UBE3D: variants seen among roughly 807,000 people sequenced by gnomAD.
UBE3D encodes E3 ubiquitin-protein ligase E3D.
UBE3D carries 48 observed loss-of-function variants against 49.6 expected under a neutral mutation model. The ratio of observed to expected loss-of-function variants is 0.97; its 90% confidence interval spans 0.77 to 1.23. The LOEUF (loss-of-function observed/expected upper bound fraction) is 1.23. UBE3D is among the 50% of genes most tolerant of loss of function. The pLI, the probability that UBE3D is intolerant of heterozygous loss-of-function variation, is 0.00. For missense variants in UBE3D, 452 were observed against 468.4 expected, an observed-to-expected ratio of 0.96 and a Z score of 0.32; for synonymous variants, 189 against 174.2, an observed-to-expected ratio of 1.08 and a Z score of -0.67.
At chr6:82,962,594 T>C (rs1446725764) in intron 8 of UBE3D, among the ~76,000 whole-genome samples, 1 of 152,246 alleles carries the variant, frequency 6.6e-6, no homozygotes, top group Non-Finnish European at 1.5e-5. Flanking sequence ...TTGCATGGTA[T>C]GTAAATCCAA....
chr6:82,891,157 A>C (rs948609034), downstream of UBE3D, among the ~76,000 whole-genome samples: 24 of 152,330 alleles, frequency 1.6e-4, no homozygotes, highest in African/African-American at 5.8e-4. Context: ...ACAGTCACCA[A>C]ATCTTGTTTC....
chr6:83,003,178 C>T (rs570368405), intron 8 of UBE3D, among the ~76,000 whole-genome samples: 10 of 152,192 alleles, frequency 6.6e-5, no homozygotes, highest in South Asian at 6.2e-4. Context: ...ATCTCACATA[C>T]GATTAGAAAA....
At chr6:82,887,389 GTT>G (rs752438556), downstream of UBE3D, among the ~76,000 whole-genome samples, 65 of 98,324 alleles carry the variant, frequency 6.6e-4, no homozygotes, top group Non-Finnish European at 1.1e-3. Context: ...GACAGTAACA[GTT>G]TTTTTTTTTT....
chr6:82,950,223 CAAAAG>C (rs1204494503), intron 9 of UBE3D, among the ~76,000 whole-genome samples: 5 of 152,060 alleles, frequency 3.3e-5, no homozygotes, highest in African/African-American at 1.2e-4. Flanking sequence ...AGATATTTCT[CAAAAG>C]AATATACACA....
At chr6:82,957,480 A>C in intron 8 of UBE3D, 30 bp from the exon 9 acceptor site, 1 of 1,583,806 alleles carries the variant, frequency 6.3e-7, no homozygotes, top group South Asian at 1.2e-5. Context: ...TAACTTTCAA[A>C]AATGCATTAT....
chr6:82,995,152 C>T (rs1779150046), intron 8 of UBE3D, among the ~76,000 whole-genome samples: 3 of 152,106 alleles, frequency 2.0e-5, no homozygotes, highest in Non-Finnish European at 4.4e-5. Flanking sequence ...AGGCCAGAGG[C>T]AAACCAGGAG....
At chr6:83,055,187 C>T (rs948654998) in intron 2 of UBE3D, among the ~76,000 whole-genome samples, 1 of 152,044 alleles carries the variant, frequency 6.6e-6, no homozygotes, top group African/African-American at 2.4e-5. Context: ...CAGCATAAGG[C>T]CGCATGTTCC....
intron 3 of UBE3D, chr6:83,049,668 C>G (rs1003768106): frequency 7.5e-6 from 3 of 401,592 alleles, no homozygotes; most frequent in Middle Eastern, 3.6e-4. Flanking sequence ...AGGGTCTCAA[C>G]GCCCTCATGA....
rs1370602836 is a variant in UBE3D, at chr6:82,969,238, T to TG, written c.1011-11789dup. Among the ~76,000 whole-genome samples, 17 of 11,550 alleles carry TG rather than the reference T, an allele frequency of 1.5e-3. No individual in the cohort carries two copies. The East Asian group carries it at 0.029, about 20-fold the overall frequency. 7.6% of individuals were successfully genotyped at this position (11,550 alleles called of 152,430 possible). A position where few individuals can be genotyped will look rare whatever the true frequency, so the allele number is the denominator to read the frequency against. The stretch of plus-strand genomic sequence containing the variant: ...CACAGGGCAGGGGTGGGGGTGGGGG[T>TG]GGGGTGGGGTGGAAGTGAAGCCTAA... On this transcript the variant is annotated intron_variant, in intron 8 of 9. Transcript: ENST00000369747.
intron 4 of UBE3D, among the ~76,000 whole-genome samples, chr6:83,039,232 T>A (rs1782476665): frequency 6.6e-6 from 1 of 152,208 alleles, no homozygotes; most frequent in Non-Finnish European, 1.5e-5. Context: ...CCATATACAG[T>A]GGGCAGGGAA....
chr6:82,908,005 C>CA (rs1772226317), intron 9 of UBE3D, among the ~76,000 whole-genome samples: 1 of 151,728 alleles, frequency 6.6e-6, no homozygotes, highest in South Asian at 2.1e-4. Flanking sequence ...TTCTCTGCAA[C>CA]AAAAAAGAAT....
At chr6:83,059,150 G>C (rs1406434904) in intron 1 of UBE3D, among the ~76,000 whole-genome samples, 7 of 152,146 alleles carry the variant, frequency 4.6e-5, no homozygotes, top group African/African-American at 1.7e-4. Context: ...GGGAGGCTGA[G>C]GTGGGAGGAT....
At chr6:82,931,891 C>G (rs1046303163) in intron 9 of UBE3D, among the ~76,000 whole-genome samples, 74 of 152,204 alleles carry the variant, frequency 4.9e-4, no homozygotes, top group African/African-American at 1.6e-3. Context: ...TCACTGAAAT[C>G]TCATCTTGAA....
At chr6:82,966,591 A>G (rs986610928) in intron 8 of UBE3D, among the ~76,000 whole-genome samples, 5 of 66,550 alleles carry the variant, frequency 7.5e-5, no homozygotes, top group South Asian at 9.2e-4. Context: ...CGGAGCTTGC[A>G]GTGAGCCGAG....
intron 9 of UBE3D, among the ~76,000 whole-genome samples, chr6:82,923,931 G>C (rs1481041980): frequency 6.6e-6 from 1 of 152,062 alleles, no homozygotes; most frequent in Admixed American, 6.6e-5. Flanking sequence ...TGTTGGAAAA[G>C]CCTAGAGTCA....
chr6:82,973,309 A>G (rs985239357), intron 8 of UBE3D, among the ~76,000 whole-genome samples: 3 of 152,214 alleles, frequency 2.0e-5, no homozygotes, highest in Non-Finnish European at 4.4e-5. Flanking sequence ...CCTAAATTTT[A>G]TATCTGCTAT....
At chr6:82,927,226 T>TC (rs113161724) in intron 9 of UBE3D, among the ~76,000 whole-genome samples, 1 of 149,856 alleles carries the variant, frequency 6.7e-6, no homozygotes, top group African/African-American at 2.5e-5. Flanking sequence ...TTTTTTTTTT[T>TC]CCCCCACCAA....
At position 82,892,964 on chromosome 6, in the gene UBE3D, C is replaced by A. The variant is rs1230465777; in HGVS notation, c.*58G>T. On this transcript the variant is annotated 3_prime_UTR_variant, in exon 10 of 10. Coordinates refer to ENST00000369747, the MANE Select transcript of UBE3D (RefSeq NM_198920.3). ...TGCCTCCTGAGCTGACTGCTGGCCT[C>A]GGTGTGCTCCTGCTTGAGAGCTGTC... is the stretch of plus-strand genomic sequence containing the variant. 3.7e-6 allele frequency: 6 copies of A among 1,606,864 alleles called. No homozygotes were observed. The highest frequency in any genetic ancestry group is 1.3e-5 in the African/African-American group (1 of 74,768).
intron 5 of UBE3D, among the ~76,000 whole-genome samples, chr6:83,026,140 A>G (rs1053178415): frequency 6.6e-6 from 1 of 152,094 alleles, no homozygotes; most frequent in Non-Finnish European, 1.5e-5. Flanking sequence ...ATTAAAAATG[A>G]GGCTGTCATT....
Sources: gnomAD v4.1 joint callset for allele counts (sites outside exome capture counted in the v4.1 genomes callset) on GRCh38, gnomAD v4.1.1 for gene constraint, MANE v1.5 for transcripts, NCBI Gene and HGNC (gene_info 2026-07-23, HGNC 2026-07-21) for gene names.